TTC28: variants seen among roughly 807,000 people sequenced by gnomAD.
The protein encoded by TTC28 is tetratricopeptide repeat protein 28.
In TTC28, 61 loss-of-function variants were observed where a neutral mutation model predicts 198.0. That is an observed-to-expected ratio of 0.31 (90% CI 0.25 to 0.38). The LOEUF (loss-of-function observed/expected upper bound fraction) is 0.38. TTC28 is among the 10% of genes least tolerant of loss of function. TTC28 has a pLI of 1.00. For synonymous variants in TTC28, 1,171 were observed against 1,297.8 expected, an observed-to-expected ratio of 0.90 and a Z score of 2.10; for missense variants, 2,678 against 3,164.0, an observed-to-expected ratio of 0.85 and a Z score of 3.69.
At chr22:28,353,425 A>C (rs2046029241) in intron 2 of TTC28, among the ~76,000 whole-genome samples, 1 of 152,236 alleles carries the variant, frequency 6.6e-6, no homozygotes. Flanking sequence ...TGGAGTACTC[A>C]CACTTTCTGC....
chr22:28,208,715 A>T (rs1926638188), intron 5 of TTC28, among the ~76,000 whole-genome samples: 1 of 152,178 alleles, frequency 6.6e-6, no homozygotes. Context: ...ATAGTATTTT[A>T]ACTATATATA....
intron 2 of TTC28, among the ~76,000 whole-genome samples, chr22:28,625,829 G>A (rs2051069527): frequency 6.6e-6 from 1 of 152,098 alleles, no homozygotes; most frequent in Admixed American, 6.5e-5. Flanking sequence ...TTATGGTTAA[G>A]GCATTGAGAT....
intron 5 of TTC28, among the ~76,000 whole-genome samples, chr22:28,222,862 C>T (rs529926131): frequency 1.3e-5 from 2 of 152,220 alleles, no homozygotes; most frequent in South Asian, 4.1e-4. Flanking sequence ...GATATTAAAC[C>T]CTAGAAATGG....
At chr22:28,337,849 T>G (rs1300630527) in intron 2 of TTC28, among the ~76,000 whole-genome samples, 2 of 152,226 alleles carry the variant, frequency 1.3e-5, no homozygotes, top group Non-Finnish European at 2.9e-5. Context: ...CATTTAAGGT[T>G]AATATTGTTA....
intron 2 of TTC28, among the ~76,000 whole-genome samples, chr22:28,522,307 TGAAACCCTGTCTCTACTAAAAATA>T (rs1160977683): frequency 6.6e-6 from 1 of 152,094 alleles, no homozygotes; most frequent in Non-Finnish European, 1.5e-5. Context: ...GCCAACATGA[TGAAACCCTGTCTCTACTAAAAATA>T]CGAAAAATTA....
intron 2 of TTC28, among the ~76,000 whole-genome samples, chr22:28,386,464 A>C (rs983778321): frequency 6.6e-6 from 1 of 152,068 alleles, no homozygotes; most frequent in Non-Finnish European, 1.5e-5. Flanking sequence ...GGCATTCAGA[A>C]AGAGTCTGTT....
intron 2 of TTC28, among the ~76,000 whole-genome samples, chr22:28,517,909 A>AT (rs964187707): frequency 2.0e-5 from 3 of 152,138 alleles, no homozygotes; most frequent in Admixed American, 6.5e-5. Flanking sequence ...CGAAGTTTTA[A>AT]TTTTTTTAAC....
chr22:28,192,740 G>T (rs1202238524), intron 5 of TTC28, among the ~76,000 whole-genome samples: 1 of 152,038 alleles, frequency 6.6e-6, no homozygotes, highest in Non-Finnish European at 1.5e-5. Context: ...GAAGTTCAGA[G>T]AAAAAAAGTA....
At chr22:28,115,527 C>A (rs555248110) in intron 6 of TTC28, among the ~76,000 whole-genome samples, 2 of 152,312 alleles carry the variant, frequency 1.3e-5, no homozygotes, top group African/African-American at 4.8e-5. Context: ...GATGGCCTGG[C>A]TAAATCTGTA....
chr22:28,105,101 C>T (rs933791204), intron 8 of TTC28, among the ~76,000 whole-genome samples, 178 bp downstream of exon 8: 2 of 152,222 alleles, frequency 1.3e-5, no homozygotes, highest in African/African-American at 2.4e-5. Context: ...GTACTATCAA[C>T]GGACACCTGG....
chr22:28,638,070 T>C (rs925435462), intron 1 of TTC28, among the ~76,000 whole-genome samples: 1 of 152,066 alleles, frequency 6.6e-6, no homozygotes, highest in Non-Finnish European at 1.5e-5. Flanking sequence ...TATTAACAAA[T>C]CTGAAGGGAG....
At chr22:28,508,565 G>A (rs9613639) in intron 2 of TTC28, among the ~76,000 whole-genome samples, 40,977 of 151,922 alleles carry the variant, frequency 0.27, 6,906 homozygotes, top group South Asian at 0.39. Flanking sequence ...GATTACAGGC[G>A]TGAGCCACCA....
chr22:28,331,876 C>T (rs981856272), intron 2 of TTC28, among the ~76,000 whole-genome samples: 4 of 152,038 alleles, frequency 2.6e-5, no homozygotes, highest in Non-Finnish European at 5.9e-5. Flanking sequence ...ATGCACTACC[C>T]CTTGGGGAGA....
At chr22:28,245,864 C>A (rs748238926) in intron 5 of TTC28, among the ~76,000 whole-genome samples, 1 of 152,180 alleles carries the variant, frequency 6.6e-6, no homozygotes, top group Admixed American at 6.6e-5. Context: ...GCCCCCTATA[C>A]GAACTTTTCA....
chr22:28,164,913 G>A (rs968854095), intron 5 of TTC28, among the ~76,000 whole-genome samples: 3 of 152,104 alleles, frequency 2.0e-5, no homozygotes, highest in African/African-American at 7.2e-5. Flanking sequence ...CCATGGCAAA[G>A]AAGTTAAAAA....
intron 2 of TTC28, among the ~76,000 whole-genome samples, chr22:28,428,007 C>T (rs2047375493): frequency 6.6e-6 from 1 of 151,656 alleles, no homozygotes; most frequent in East Asian, 1.9e-4. Flanking sequence ...GTGGAATATA[C>T]TTTAAGAACT....
At chr22:28,086,074 A>C (rs1025338313) in intron 12 of TTC28, among the ~76,000 whole-genome samples, 10 of 152,164 alleles carry the variant, frequency 6.6e-5, no homozygotes, top group Non-Finnish European at 1.5e-5. Context: ...GGAGACTTTA[A>C]CACCCCACTG....
In TTC28 at chr22:28,616,405, T is replaced by G. The variant is rs540319706; in HGVS notation, c.381+13147A>C. ...AAGCATTCAATAAGAGCTATTATATTTTATTACTATTATAATACTAGGTAA... is the reference window on the plus strand; with the variant it reads ...AAGCATTCAATAAGAGCTATTATATGTTATTACTATTATAATACTAGGTAA... On this transcript the variant is annotated intron_variant, in intron 2 of 22. Transcript: ENST00000397906. 3.3e-5 allele frequency among the ~76,000 whole-genome samples: 5 copies of G among 152,340 alleles called. No homozygotes were observed. In the East Asian group the frequency reaches 9.6e-4, roughly 29 times the overall value.
At chr22:28,338,040 T>C (rs1601652688) in intron 2 of TTC28, among the ~76,000 whole-genome samples, 1 of 152,134 alleles carries the variant, frequency 6.6e-6, no homozygotes, top group African/African-American at 2.4e-5. Flanking sequence ...GGCCTGGTGG[T>C]GACAAAATCT....
Sources: gnomAD v4.1 joint callset for allele counts (sites outside exome capture counted in the v4.1 genomes callset) on GRCh38, gnomAD v4.1.1 for gene constraint, MANE v1.5 for transcripts, NCBI Gene and HGNC (gene_info 2026-07-23, HGNC 2026-07-21) for gene names.